COPG2: variants seen among roughly 807,000 people sequenced by gnomAD.
COPG2 encodes the protein coatomer subunit gamma-2.
A neutral mutation model predicts 46.3 loss-of-function variants in COPG2; 37 were observed. That is an observed-to-expected ratio of 0.80 (90% CI 0.61 to 1.05). The LOEUF (loss-of-function observed/expected upper bound fraction) is 1.05. Ranked by LOEUF, COPG2 falls within the 50% of genes least tolerant of loss-of-function variation. COPG2 has a pLI of 0.00. For missense variants in COPG2, 427 were observed against 387.8 expected (o/e 1.10, Z -0.85); for synonymous variants, 159 against 129.7 (o/e 1.23, Z -1.53).
At chr7:130,601,417 T>C (rs1318873225) in intron 9 of COPG2, among the ~76,000 whole-genome samples, 3 of 152,196 alleles carry the variant, frequency 2.0e-5, no homozygotes, top group Non-Finnish European at 4.4e-5. Context: ...CCAACCCAAA[T>C]GCCCATCAAT....
intron 20 of COPG2, chr7:130,511,653 A>G (rs782465944): frequency 1.2e-5 from 6 of 515,756 alleles, no homozygotes; most frequent in Non-Finnish European, 2.3e-5. Context: ...AAGTCATAAG[A>G]GAGTATGAAA....
chr7:130,601,760 C>T (rs1249784129), intron 9 of COPG2, among the ~76,000 whole-genome samples: 1 of 151,706 alleles, frequency 6.6e-6, no homozygotes, highest in African/African-American at 2.4e-5. Flanking sequence ...ACATGTATAC[C>T]TATGCAACAA....
chr7:130,653,721 C>A (rs528186845), intron 4 of COPG2, among the ~76,000 whole-genome samples: 13 of 152,260 alleles, frequency 8.5e-5, no homozygotes, highest in Non-Finnish European at 1.6e-4. Flanking sequence ...CCTCAAATTT[C>A]TTTTAAGTAG....
Position 130,558,254 on chromosome 7 carries a change from C to T in COPG2, c.1128+2779G>A, listed in dbSNP as rs1280132328. Among the ~76,000 whole-genome samples the T allele has an allele frequency of 3.3e-5, 5 of 152,036 alleles. No individual in the cohort carries two copies. The East Asian group carries it at 5.8e-4, about 18-fold the overall frequency. On this transcript the variant is annotated intron_variant, in intron 12 of 23. Transcript: ENST00000425248. ...GTGGGAGGTGACTGGATCATGGGGG[C>T]GGATTTCCCTGCTGGTGCTGTTCTT...
intron 9 of COPG2, among the ~76,000 whole-genome samples, chr7:130,576,453 C>T (rs184349930): frequency 1.3e-5 from 2 of 152,294 alleles, no homozygotes; most frequent in African/African-American, 4.8e-5. Flanking sequence ...ATTAAATAAC[C>T]TGCTCCTGAG....
chr7:130,647,137 T>C (rs1356218434), intron 5 of COPG2, among the ~76,000 whole-genome samples: 1 of 151,664 alleles, frequency 6.6e-6, no homozygotes. Context: ...GCCTCCCAGG[T>C]TCAAGCGACT....
intron 5 of COPG2, among the ~76,000 whole-genome samples, chr7:130,634,283 T>C (rs1256000897): frequency 6.6e-6 from 1 of 152,186 alleles, no homozygotes; most frequent in Non-Finnish European, 1.5e-5. Flanking sequence ...TTAATGGGGA[T>C]AGCACTGATT....
intron 5 of COPG2, among the ~76,000 whole-genome samples, chr7:130,648,477 T>C (rs1795664397): frequency 6.6e-6 from 1 of 152,186 alleles, no homozygotes; most frequent in Non-Finnish European, 1.5e-5. Context: ...TCAATCTTAT[T>C]ATCAAAATCT....
chr7:130,640,706 G>C (rs1554457083), intron 5 of COPG2, among the ~76,000 whole-genome samples: 1 of 152,156 alleles, frequency 6.6e-6, no homozygotes. Context: ...AAAAAGAGAA[G>C]GGAAGTAGGA....
intron 4 of COPG2, among the ~76,000 whole-genome samples, chr7:130,654,963 C>T (rs1317906530): frequency 1.3e-5 from 2 of 151,662 alleles, no homozygotes; most frequent in African/African-American, 4.9e-5. Context: ...CTTTGTATCT[C>T]TCCTATTTTA....
chr7:130,540,271 C>T (rs989218595), intron 20 of COPG2, among the ~76,000 whole-genome samples: 36 of 152,026 alleles, frequency 2.4e-4, no homozygotes, highest in South Asian at 1.2e-3. Context: ...CTAAATCCAC[C>T]GAAAGAAGTA....
At chr7:130,549,137 T>C (rs1234300051) in intron 18 of COPG2, among the ~76,000 whole-genome samples, 177 bp downstream of exon 18, 10 of 151,582 alleles carry the variant, frequency 6.6e-5, no homozygotes, top group African/African-American at 2.4e-4. Context: ...CAATTAGCAA[T>C]TACAAACTGG....
chr7:130,551,338 C>T lies in COPG2; in HGVS notation c.1551G>A (p.Met517Ile). Residue 517 changes from methionine to isoleucine, a missense_variant, in exon 16 of 24, where the codon ATG (methionine) becomes ATA (isoleucine). Coordinates refer to ENST00000425248, the MANE Select transcript of COPG2 (RefSeq NM_012133.6). ...CTCGTACCTCGTCATCAGTATCCAT[C>T]ATACACCTGTCCAGGGGAAACAGAA... ...PSILVLLQRC[M>I]MDTDDEVRDR... is the part of the protein sequence containing the mutation. 1 of 398,532 alleles carries T rather than the reference C, an allele frequency of 2.5e-6. No homozygotes were observed. Among genetic ancestry groups the T allele is most frequent in the Admixed American group, 4.4e-5 (1 of 22,728 alleles). 24.7% of individuals were successfully genotyped at this position (398,532 alleles called of 1,614,324 possible). A position where few individuals can be genotyped will look rare whatever the true frequency, so the allele number is the denominator to read the frequency against.
intron 5 of COPG2, among the ~76,000 whole-genome samples, chr7:130,622,996 C>T (rs1322816694): frequency 6.6e-6 from 1 of 152,198 alleles, no homozygotes; most frequent in Non-Finnish European, 1.5e-5. Context: ...TCCTTACCTT[C>T]ACTAGAATGA....
intron 5 of COPG2, among the ~76,000 whole-genome samples, chr7:130,626,339 C>A (rs1795118237): frequency 6.6e-6 from 1 of 151,768 alleles, no homozygotes; most frequent in South Asian, 2.1e-4. Context: ...AGCCCCGAGA[C>A]AACTTCCCCT....
intron 5 of COPG2, among the ~76,000 whole-genome samples, chr7:130,632,873 T>C (rs1554455409): frequency 6.6e-6 from 1 of 152,150 alleles, no homozygotes; most frequent in Non-Finnish European, 1.5e-5. Flanking sequence ...TAGGTACTTC[T>C]CCTAATGATA....
At chr7:130,631,670 C>T (rs1038867831) in intron 5 of COPG2, among the ~76,000 whole-genome samples, 2 of 152,032 alleles carry the variant, frequency 1.3e-5, no homozygotes, top group Non-Finnish European at 2.9e-5. Context: ...AATAAAGTAC[C>T]ATTTCTCTTC....
chr7:130,607,557 A>G (rs1281520834), intron 9 of COPG2: 1 of 426,634 alleles, frequency 2.3e-6, no homozygotes, highest in Non-Finnish European at 4.6e-6. Flanking sequence ...TTGCAGCTGA[A>G]TTCTCCATTC....
At chr7:130,654,990 T>C (rs1189373046) in intron 4 of COPG2, among the ~76,000 whole-genome samples, 1 of 152,196 alleles carries the variant, frequency 6.6e-6, no homozygotes, top group Non-Finnish European at 1.5e-5. Context: ...ATTCTTGTTA[T>C]GCCTTTCTTT....
Sources: allele counts gnomAD v4.1 joint callset (sites outside exome capture counted in the v4.1 genomes callset), GRCh38; gene constraint gnomAD v4.1.1; transcripts MANE v1.5; gene names NCBI Gene and HGNC (gene_info 2026-07-23, HGNC 2026-07-21).